The following CKLF variants were observed in gnomAD, a reference collection of about 807,000 sequenced individuals.
CKLF encodes chemokine like factor, also known as chemokine-like factor.
A neutral mutation model predicts 12.9 loss-of-function variants in CKLF; 16 were observed. That is an observed-to-expected ratio of 1.24 (90% CI 0.84 to 1.88). The LOEUF is 1.88. Among genes scored for constraint, CKLF ranks in the 40% most tolerant of loss-of-function variants. The probability of loss-of-function intolerance (pLI) is 0.00; values close to 1 mark genes in which losing one functional copy is unlikely to be tolerated. For missense variants in CKLF, 172 were observed against 188.5 expected (o/e 0.91, Z 0.51); for synonymous variants, 61 against 69.0 (o/e 0.88, Z 0.57).
intron 1 of CKLF, among the ~76,000 whole-genome samples, chr16:66,554,853 AAG>A (rs1400809476): frequency 6.6e-6 from 1 of 152,228 alleles, no homozygotes; most frequent in Non-Finnish European, 1.5e-5. Context: ...GGCATCAAGA[AAG>A]AGCAAGGAAA....
chr16:66,563,394 A>G (rs2011887997), intron 3 of CKLF, among the ~76,000 whole-genome samples, 177 bp downstream of exon 3: 1 of 152,188 alleles, frequency 6.6e-6, no homozygotes, highest in Non-Finnish European at 1.5e-5. Flanking sequence ...GATTAACATG[A>G]AGGAGTATGA....
rs1296329384 is a variant in CKLF, at chr16:66,561,183, G to A, written c.238-1939G>A. ...CACTGCCTTTGCTAACTAGGAGAGGGCTTGGTCATCTCCATTCAAATTGTC... is the reference window on the plus strand; with the variant it reads ...CACTGCCTTTGCTAACTAGGAGAGGACTTGGTCATCTCCATTCAAATTGTC... On this transcript the variant is annotated intron_variant, in intron 2 of 3. Coordinates refer to ENST00000264001, the MANE Select transcript of CKLF (RefSeq NM_016951.4). Among the ~76,000 whole-genome samples, 11 of 151,952 alleles carry A rather than the reference G, an allele frequency of 7.2e-5. No individual in the cohort carries two copies. In the East Asian group the frequency reaches 2.1e-3, roughly 29 times the overall value.
At position 66,565,991 on chromosome 16, in the gene CKLF, G is replaced by GA. The variant is rs754415052; in HGVS notation, c.447dup (p.Glu150ArgfsTer12). On this transcript the variant is annotated frameshift_variant, in exon 4 of 4. Coordinates refer to ENST00000264001, the MANE Select transcript of CKLF (RefSeq NM_016951.4). LOFTEE classifies it low-confidence loss of function (END_TRUNC). ...TCCTTACCAGAAAAAGCCTGTGCAT[G>GA]AAAAAAAAGAAGTTTTGTAATTTTA... 3.4e-5 allele frequency: 54 copies of GA among 1,610,502 alleles called. No homozygotes were observed. The highest frequency in any genetic ancestry group is 2.1e-4 in the African/African-American group (16 of 74,770).
intron 2 of CKLF, among the ~76,000 whole-genome samples, chr16:66,561,576 G>A (rs1567551078): frequency 6.6e-6 from 1 of 152,102 alleles, no homozygotes; most frequent in African/African-American, 2.4e-5. Flanking sequence ...CAGGAGGCAG[G>A]CTGCCTGTCT....
At chr16:66,565,182 A>G (rs1269788771) in intron 3 of CKLF, among the ~76,000 whole-genome samples, 1 of 152,142 alleles carries the variant, frequency 6.6e-6, no homozygotes, top group Admixed American at 6.5e-5. Context: ...CCATGTCTGG[A>G]GCCAGGAAGC....
intron 2 of CKLF, 155 bp from the exon 3 acceptor site, chr16:66,562,967 C>G: frequency 3.8e-6 from 3 of 781,674 alleles, no homozygotes; most frequent in Non-Finnish European, 6.3e-6. Flanking sequence ...AGTGATCTGT[C>G]TGCCTTCCAA....
intron 3 of CKLF, among the ~76,000 whole-genome samples, chr16:66,563,918 A>G (rs1442257977): frequency 2.0e-5 from 3 of 152,238 alleles, no homozygotes; most frequent in Non-Finnish European, 4.4e-5. Flanking sequence ...GAAAGTTCTT[A>G]AATAAATCTT....
chr16:66,557,197 G>T (rs957218799), intron 1 of CKLF, among the ~76,000 whole-genome samples: 3 of 151,972 alleles, frequency 2.0e-5, no homozygotes, highest in Admixed American at 6.6e-5. Flanking sequence ...TTGAGACAGG[G>T]TCTAGCTCTA....
rs2011800342 is a variant in CKLF at position 66,562,476 on chromosome 16, A to C, written c.238-646A>C. Reference sequence around the variant, plus strand: ...CCCTTCTACCTTAAACTTTCTACATAATACATCATCTACTTTATTTCCTAA... The same window carrying C: ...CCCTTCTACCTTAAACTTTCTACATCATACATCATCTACTTTATTTCCTAA... On this transcript the variant is annotated intron_variant, in intron 2 of 3. Coordinates refer to ENST00000264001, the MANE Select transcript of CKLF (RefSeq NM_016951.4). Among the ~76,000 whole-genome samples, 4 of 152,170 alleles carry C rather than the reference A, an allele frequency of 2.6e-5. No individual in the cohort carries two copies. The South Asian group carries it at 8.3e-4, about 32-fold the overall frequency.
chr16:66,562,893 G>GC (rs1555530288), intron 2 of CKLF, among the ~76,000 whole-genome samples: 1 of 151,608 alleles, frequency 6.6e-6, no homozygotes, highest in Non-Finnish European at 1.5e-5. Flanking sequence ...GCTAATTTTT[G>GC]TTTTTTTTAG....
At chr16:66,557,682 A>G (rs1567549531) in intron 1 of CKLF, among the ~76,000 whole-genome samples, 3 of 152,196 alleles carry the variant, frequency 2.0e-5, no homozygotes, top group South Asian at 4.1e-4. Context: ...AGGAAGGAGT[A>G]TGTGTGTGTG....
At chr16:66,561,269 G>A (rs1204591266) in intron 2 of CKLF, among the ~76,000 whole-genome samples, 2 of 151,276 alleles carry the variant, frequency 1.3e-5, no homozygotes, top group Admixed American at 6.6e-5. Flanking sequence ...GTTCCCCCCC[G>A]AGAGCCCCAA....
chr16:66,562,959 T>G, intron 2 of CKLF, 163 bp from the exon 3 acceptor site: 1 of 747,962 alleles, frequency 1.3e-6, no homozygotes, highest in African/African-American at 1.8e-5. Context: ...AGGCTTCAAG[T>G]GATCTGTCTG....
chr16:66,555,087 A>T (rs2011374242), intron 1 of CKLF, among the ~76,000 whole-genome samples: 1 of 152,180 alleles, frequency 6.6e-6, no homozygotes, highest in Non-Finnish European at 1.5e-5. Context: ...TACAAAAAAA[A>T]TTAGCCAGGC....
chr16:66,564,893 C>T (rs1224954815), intron 3 of CKLF, among the ~76,000 whole-genome samples: 1 of 152,174 alleles, frequency 6.6e-6, no homozygotes, highest in Non-Finnish European at 1.5e-5. Flanking sequence ...GCCCCGTCCT[C>T]AAGTTGCTTA....
Position 66,563,122 on chromosome 16 carries a change from G to T in CKLF, c.238G>T (p.Asp80Tyr). ...LMKWLFWPLL[D>Y]IINSLVTTVF... ...GCTCAGCTTTATTGTGTGTTTTTAG[G>T]ATATTATCAACTCACTGGTAACAAC... Residue 80 changes from aspartate to tyrosine, a missense_variant and splice_region_variant, in exon 3 of 4, where the codon GAT becomes TAT. Physicochemically the swap from Asp to Tyr is radical, Grantham distance 160. Transcript: ENST00000264001. 6.2e-7 allele frequency: 1 copy of T among 1,613,924 alleles called. No individual in the cohort carries two copies. Among genetic ancestry groups the T allele is most frequent in the Non-Finnish European group, 8.5e-7 (1 of 1,179,972 alleles).
downstream of CKLF, chr16:66,566,209 G>A: frequency 1.3e-6 from 2 of 1,504,668 alleles, no homozygotes; most frequent in Non-Finnish European, 1.8e-6. The surrounding 1 kb of genome is among the most constrained non-coding windows in gnomAD (Gnocchi z 4.9). Flanking sequence ...ACCCGGGCCT[G>A]GGTGGCAGGG....
At chr16:66,558,660 TTCTTAA>T in intron 2 of CKLF, 1 of 226,066 alleles carries the variant, frequency 4.4e-6, no homozygotes, top group Non-Finnish European at 8.6e-6. Flanking sequence ...TTGTAGTGCA[TTCTTAA>T]TCTTTATTAC....
At chr16:66,554,699 A>T (rs1248739627) in intron 1 of CKLF, among the ~76,000 whole-genome samples, 1 of 152,212 alleles carries the variant, frequency 6.6e-6, no homozygotes, top group Non-Finnish European at 1.5e-5. Flanking sequence ...TTGCGTAATG[A>T]ATAGAATTCT....
Sources: gnomAD v4.1 joint callset for allele counts (sites outside exome capture counted in the v4.1 genomes callset) on GRCh38, gnomAD v4.1.1 for gene constraint, Gnocchi (gnomAD v3.1) non-coding constraint, MANE v1.5 for transcripts, NCBI Gene and HGNC (gene_info 2026-07-23, HGNC 2026-07-21) for gene names.